MTMR3: variants seen among roughly 807,000 people sequenced by gnomAD.
MTMR3 encodes the protein myotubularin related protein 3.
A neutral mutation model predicts 132.4 loss-of-function variants in MTMR3; 32 were observed. That is an observed-to-expected ratio of 0.24 (90% CI 0.18 to 0.32). The LOEUF is 0.32. Ranked by LOEUF, MTMR3 falls within the 10% of genes least tolerant of loss-of-function variation. MTMR3 has a pLI of 1.00. For synonymous variants in MTMR3, 556 were observed against 550.3 expected, an observed-to-expected ratio of 1.01 and a Z score of -0.14; for missense variants, 1,216 against 1,489.6, an observed-to-expected ratio of 0.82 and a Z score of 3.02.
At chr22:29,967,650 A>G (rs73162770) in intron 2 of MTMR3, among the ~76,000 whole-genome samples, 15,623 of 151,882 alleles carry the variant, frequency 0.1, 1,130 homozygotes, top group Non-Finnish European at 0.16. Context: ...CCATTACCTA[A>G]TTCCAAACAT....
chr22:29,920,204 ACT>A (rs1388017931), intron 1 of MTMR3, among the ~76,000 whole-genome samples: 1 of 143,722 alleles, frequency 7.0e-6, no homozygotes, highest in African/African-American at 2.5e-5. Flanking sequence ...ACAGAGCAAG[ACT>A]CTGTCTCAAA....
rs1265991410 is a variant in MTMR3 at position 30,026,884 on chromosome 22, T to C, written c.*1083T>C. The C allele has an allele frequency of 6.5e-6, 1 of 152,808 alleles. No homozygotes were observed. The highest frequency in any genetic ancestry group is 1.5e-5 in the Non-Finnish European group (1 of 68,084). 9.5% of individuals were successfully genotyped at this position (152,808 alleles called of 1,614,324 possible). ...ATCAGCCTTTCTCCTCTTCTCTTCT[T>C]GGGACAGGAATAACTGCTGAGCAGT... On this transcript the variant is annotated 3_prime_UTR_variant, in exon 20 of 20. Coordinates refer to ENST00000401950, the MANE Select transcript of MTMR3 (RefSeq NM_021090.4).
intron 1 of MTMR3, among the ~76,000 whole-genome samples, chr22:29,950,500 A>C (rs1412245824): frequency 2.6e-5 from 4 of 151,892 alleles, no homozygotes; most frequent in African/African-American, 9.7e-5. Context: ...AGTAGCTGGG[A>C]TTACAGATGC....
intron 1 of MTMR3, among the ~76,000 whole-genome samples, chr22:29,914,564 A>G (rs1254107327): frequency 6.6e-6 from 1 of 152,032 alleles, no homozygotes; most frequent in Non-Finnish European, 1.5e-5. Context: ...CATTCTTAAC[A>G]GTGTCTTTCA....
At chr22:29,939,644 T>A (rs1373740925) in intron 1 of MTMR3, among the ~76,000 whole-genome samples, 1 of 151,836 alleles carries the variant, frequency 6.6e-6, no homozygotes, top group East Asian at 1.9e-4. Flanking sequence ...ATGAAGGTAT[T>A]ACTTGACTGT....
Position 30,029,686 on chromosome 22 carries a change from C to G in MTMR3, c.*3885C>G, listed in dbSNP as rs935145083. 6.6e-5 allele frequency: 10 copies of G among 152,332 alleles called. No homozygotes were observed. The highest frequency in any genetic ancestry group is 2.2e-4 in the African/African-American group (9 of 41,434). The allele number at this position is 152,332 out of a possible 1,614,324, so 9.4% of individuals were successfully genotyped here. On this transcript the variant is annotated 3_prime_UTR_variant, in exon 20 of 20. Coordinates refer to ENST00000401950, the MANE Select transcript of MTMR3 (RefSeq NM_021090.4). ...TTGCAGGATTTCATTTAGCTGCTGCCAGTTCAAGTGACCTGTCCCCAGGGC... is the reference window on the plus strand; with the variant it reads ...TTGCAGGATTTCATTTAGCTGCTGCGAGTTCAAGTGACCTGTCCCCAGGGC...
At chr22:29,896,902 C>CACACACACACACACACACACAT (rs1272446403) in intron 1 of MTMR3, among the ~76,000 whole-genome samples, 3 of 148,750 alleles carry the variant, frequency 2.0e-5, no homozygotes, top group Non-Finnish European at 4.5e-5. Flanking sequence ...CACACACACA[C>CACACACACACACACACACACAT]ATACACACAC....
chr22:29,919,524 A>G (rs544921704), intron 1 of MTMR3, among the ~76,000 whole-genome samples: 8 of 152,202 alleles, frequency 5.3e-5, no homozygotes, highest in African/African-American at 1.9e-4. Flanking sequence ...ATTTATATTC[A>G]CTTTTGGGCA....
rs2145991710 is a variant in MTMR3 at position 30,025,952 on chromosome 22, AGATT to A, written c.*156_*159del. The A allele has an allele frequency of 1.4e-6, 1 of 702,784 alleles. No individual in the cohort carries two copies. The highest frequency in any genetic ancestry group is 2.3e-6 in the Non-Finnish European group (1 of 431,566). The allele number at this position is 702,784 out of a possible 1,614,324, so 43.5% of individuals were successfully genotyped here. On this transcript the variant is annotated 3_prime_UTR_variant, in exon 20 of 20. Coordinates refer to ENST00000401950, the MANE Select transcript of MTMR3 (RefSeq NM_021090.4). ...GATTTGGGATGCACCACTGGATTGT[AGATT>A]GATTTTTCTTTCCTGTCCCCCTACT...
chr22:30,008,481 GT>G (rs2067324902), intron 11 of MTMR3: 1 of 165,584 alleles, frequency 6.0e-6, no homozygotes, highest in African/African-American at 2.4e-5. Flanking sequence ...CCCTAGTAAG[GT>G]ATCTCTGTCC....
intron 1 of MTMR3, among the ~76,000 whole-genome samples, chr22:29,956,622 A>G (rs1224236069): frequency 6.6e-6 from 1 of 152,148 alleles, no homozygotes; most frequent in Non-Finnish European, 1.5e-5. Context: ...ATAGAAGCCA[A>G]TTATGTGTAC....
chr22:29,938,067 A>G (rs1278512922), intron 1 of MTMR3, among the ~76,000 whole-genome samples: 1 of 152,220 alleles, frequency 6.6e-6, no homozygotes, highest in African/African-American at 2.4e-5. Context: ...CTGACCCAGC[A>G]TGGCACTGGA....
intron 1 of MTMR3, among the ~76,000 whole-genome samples, chr22:29,887,350 G>A (rs186488551): frequency 6.6e-6 from 1 of 152,146 alleles, no homozygotes. Flanking sequence ...ACAGACTGTG[G>A]ATCAAACAAT....
At chr22:29,991,968 A>C (rs1036850180) in intron 7 of MTMR3, 1 of 227,394 alleles carries the variant, frequency 4.4e-6, no homozygotes, top group African/African-American at 2.3e-5. Flanking sequence ...TTTTGTATAC[A>C]TGTGTGGGAA....
At chr22:29,931,036 A>T (rs2065633718) in intron 1 of MTMR3, among the ~76,000 whole-genome samples, 1 of 151,606 alleles carries the variant, frequency 6.6e-6, no homozygotes, top group Non-Finnish European at 1.5e-5. Flanking sequence ...AAAAAAACTT[A>T]AAAATGACCT....
chr22:29,910,741 C>CT (rs898660332), intron 1 of MTMR3, among the ~76,000 whole-genome samples: 11 of 144,050 alleles, frequency 7.6e-5, no homozygotes, highest in Non-Finnish European at 1.1e-4. Flanking sequence ...CCTGTTAAGA[C>CT]TTTTTTTTTC....
chr22:29,947,455 A>G (rs552906989), intron 1 of MTMR3, among the ~76,000 whole-genome samples: 36 of 151,866 alleles, frequency 2.4e-4, no homozygotes, highest in South Asian at 4.1e-4. Flanking sequence ...TATGTTTGAG[A>G]AAGTTTTCCT....
At chr22:30,022,774 G>A (rs1434542848) in intron 19 of MTMR3, 77 bp downstream of exon 19, 1 of 1,273,220 alleles carries the variant, frequency 7.9e-7, no homozygotes, top group Non-Finnish European at 1.1e-6. Context: ...CAGAGTAGAG[G>A]GTTGTGGGTA....
At chr22:29,887,096 T>C (rs981545307) in intron 1 of MTMR3, among the ~76,000 whole-genome samples, 2 of 152,234 alleles carry the variant, frequency 1.3e-5, no homozygotes, top group African/African-American at 4.8e-5. Context: ...TTTTGTGATA[T>C]CAATACTGAT....
Sources: gnomAD v4.1 joint callset for allele counts (sites outside exome capture counted in the v4.1 genomes callset) on GRCh38, gnomAD v4.1.1 for gene constraint, MANE v1.5 for transcripts, NCBI Gene and HGNC (gene_info 2026-07-23, HGNC 2026-07-21) for gene names.